NCBP3: variants seen among roughly 807,000 people sequenced by gnomAD.
The protein encoded by NCBP3 is nuclear cap binding subunit 3.
Under a neutral mutation model 75.7 loss-of-function variants are expected in NCBP3, and 20 were observed. The ratio of observed to expected loss-of-function variants is 0.26; its 90% CI spans 0.19 to 0.38. NCBP3 has a LOEUF of 0.38. Ranked by LOEUF, NCBP3 falls within the 10% of genes least tolerant of loss-of-function variation. NCBP3 has a pLI of 1.00. For synonymous variants in NCBP3, 293 were observed against 290.5 expected (o/e 1.01, Z -0.09); for missense variants, 678 against 796.9 (o/e 0.85, Z 1.80).
intron 7 of NCBP3, 51 bp downstream of exon 7, chr17:3,824,890 TA>T: frequency 9.6e-7 from 1 of 1,044,950 alleles, no homozygotes. Flanking sequence ...TGTCACTCCA[TA>T]ATAAATCATT....
chr17:3,817,966 TACACAC>T (rs61462832), intron 10 of NCBP3, among the ~76,000 whole-genome samples: 2 of 149,028 alleles, frequency 1.3e-5, no homozygotes, highest in East Asian at 2.0e-4. Flanking sequence ...CCCTGTGCCA[TACACAC>T]ACACACACAC....
Position 3,804,544 on chromosome 17 carries a change from C to G in NCBP3, c.*8500G>C, listed in dbSNP as rs1441497200. The stretch of plus-strand genomic sequence containing the variant: ...CTGGGCGACAAGAGCAAGACTTCAT[C>G]TCCAAAAAAAACAGAAAGGGCTGCC... On this transcript the variant is annotated 3_prime_UTR_variant, in exon 13 of 13. Coordinates refer to ENST00000389005, the MANE Select transcript of NCBP3 (RefSeq NM_001114118.3). 9 of 152,066 alleles carry G rather than the reference C, an allele frequency of 5.9e-5. No individual in the cohort carries two copies. Among genetic ancestry groups the G allele is most frequent in the African/African-American group, 2.2e-4 (9 of 41,352 alleles). 9.4% of individuals were successfully genotyped at this position (152,066 alleles called of 1,614,324 possible).
At chr17:3,822,158 TG>T in intron 7 of NCBP3, 106 bp from the exon 8 acceptor site, 1 of 768,928 alleles carries the variant, frequency 1.3e-6, no homozygotes, top group Non-Finnish European at 2.1e-6. Flanking sequence ...CAGCGCAATT[TG>T]CCAACAAAAA....
rs1329831589 is a variant in NCBP3 at position 3,840,172 on chromosome 17, G to A, written c.283C>T (p.Arg95Cys). 2 of 1,551,706 alleles carry A rather than the reference G, an allele frequency of 1.3e-6. No individual in the cohort carries two copies. ...TTTACTTCCGATCGAAAATGGAAGC[G>A]CTTGGCTCGCTGCTCTTTCTTTTCA... is the stretch of plus-strand genomic sequence containing the variant. ...AIEKKEQRAK[R>C]FHFRSEVNLA... The change falls in exon 3 of 13, where the codon CGC becomes TGC. Residue 95 changes from arginine (R) to cysteine (C), a missense_variant. Around this residue, in one of 7 missense-constraint regions of NCBP3, gnomAD observed 46 missense variants for 82.8 expected, o/e 0.56. Transcript: ENST00000389005.
At chr17:3,814,553 C>G in intron 11 of NCBP3, 70 bp from the exon 12 acceptor site, 1 of 1,531,684 alleles carries the variant, frequency 6.5e-7, no homozygotes, top group Non-Finnish European at 8.9e-7. Context: ...CGCCTGACAC[C>G]TCTAACGGAT....
intron 2 of NCBP3, among the ~76,000 whole-genome samples, chr17:3,842,094 G>C (rs1240953335): frequency 6.6e-6 from 1 of 152,034 alleles, no homozygotes; most frequent in Non-Finnish European, 1.5e-5. Context: ...TGGTAATCTG[G>C]TAATAGCAAT....
rs2053841697 is a variant in NCBP3 at position 3,829,482 on chromosome 17, G to A, written c.356-114C>T. 10 of 1,148,700 alleles carry A rather than the reference G, an allele frequency of 8.7e-6. No homozygotes were observed. In the East Asian group the frequency reaches 2.1e-4, roughly 24 times the overall value. The allele number at this position is 1,148,700 out of a possible 1,614,324, so 71.2% of individuals were successfully genotyped here. On this transcript the variant is annotated intron_variant, in intron 3 of 12. Coordinates refer to ENST00000389005, the MANE Select transcript of NCBP3 (RefSeq NM_001114118.3). ...ACACGAGTTTAGAAAGAAACATGCT[G>A]AGAGAAACTATAATTATTTCAAAAG... is the stretch of plus-strand genomic sequence containing the variant.
At chr17:3,843,562 T>C (rs2054105047) in intron 1 of NCBP3, among the ~76,000 whole-genome samples, 1 of 152,248 alleles carries the variant, frequency 6.6e-6, no homozygotes, top group Non-Finnish European at 1.5e-5. Flanking sequence ...TGTTTGTTTT[T>C]TGAGATGGAG....
At chr17:3,822,708 T>C (rs1318378808) in intron 7 of NCBP3, 1 of 152,250 alleles carries the variant, frequency 6.6e-6, no homozygotes, top group African/African-American at 2.4e-5. Context: ...TACAAAGACC[T>C]TCCACAGTTC....
chr17:3,846,185 C>G lies in NCBP3; in HGVS notation c.39G>C (p.Ala13=). 3 of 1,513,718 alleles carry G rather than the reference C, an allele frequency of 2.0e-6. No homozygotes were observed. The highest frequency in any genetic ancestry group is 2.7e-6 in the Non-Finnish European group (3 of 1,131,964). 93.8% of individuals were successfully genotyped at this position (1,513,718 alleles called of 1,614,324 possible). The change falls in exon 1 of 13, where the codon GCG becomes GCC. Residue 13 remains alanine, a synonymous_variant. Transcript: ENST00000389005. This position sits in a 1 kb window ranked among gnomAD's most constrained non-coding sequence, Gnocchi z 4.6. ...CCAGGGCCGGCCCCGCCGGGGCCTC[C>G]GCCTTCACCGACACCCGCAGGCCCC... ...AVRGLRVSVK[A]EAPAGPALGL... is the part of the protein sequence containing the mutation.
At chr17:3,841,040 G>A (rs2054054845) in intron 2 of NCBP3, among the ~76,000 whole-genome samples, 1 of 152,034 alleles carries the variant, frequency 6.6e-6, no homozygotes, top group African/African-American at 2.4e-5. Flanking sequence ...AGGCTGCCAC[G>A]ATCTCAGCTC....
intron 3 of NCBP3, among the ~76,000 whole-genome samples, chr17:3,836,030 C>T (rs2053966333): frequency 6.6e-6 from 1 of 152,222 alleles, no homozygotes; most frequent in East Asian, 1.9e-4. Context: ...TAATCAACAC[C>T]TTCTCCTCAC....
chr17:3,836,938 C>A (rs992678582), intron 3 of NCBP3, among the ~76,000 whole-genome samples: 1 of 151,796 alleles, frequency 6.6e-6, no homozygotes, highest in African/African-American at 2.4e-5. Flanking sequence ...ATCACAAGGT[C>A]AGGAGATCGA....
intron 4 of NCBP3, among the ~76,000 whole-genome samples, chr17:3,826,695 A>AGAAG (rs375511950): frequency 0.011 from 1,652 of 146,068 alleles, 35 homozygotes; most frequent in African/African-American, 0.035. Context: ...AGACAGAAAG[A>AGAAG]GAAGGAAGGA....
In NCBP3 at chr17:3,831,725, C is replaced by G. The variant is rs556499529; in HGVS notation, c.356-2357G>C. Reference sequence around the variant, plus strand: ...TCCACATCCCTTCTTTCCCTTCCTTCTCTGAAGCAATTCTGTCAAGGGGGT... The same window carrying G: ...TCCACATCCCTTCTTTCCCTTCCTTGTCTGAAGCAATTCTGTCAAGGGGGT... On this transcript the variant is annotated intron_variant, in intron 3 of 12. Coordinates refer to ENST00000389005, the MANE Select transcript of NCBP3 (RefSeq NM_001114118.3). 1.6e-5 allele frequency among the ~76,000 whole-genome samples: 2 copies of G among 121,984 alleles called. 1 individual carries two copies. Among genetic ancestry groups the G allele is most frequent in the South Asian group, 5.9e-4 (2 of 3,380 alleles). 80.0% of individuals were successfully genotyped at this position (121,984 alleles called of 152,430 possible).
At chr17:3,814,748 A>G (rs1462569157) in intron 11 of NCBP3, among the ~76,000 whole-genome samples, 1 of 151,824 alleles carries the variant, frequency 6.6e-6, no homozygotes, top group Non-Finnish European at 1.5e-5. Flanking sequence ...TTTTTCTTTA[A>G]GCAGAATCAA....
intron 9 of NCBP3, among the ~76,000 whole-genome samples, chr17:3,819,345 CA>C (rs1254973168): frequency 2.0e-5 from 3 of 152,082 alleles, no homozygotes; most frequent in Admixed American, 2.0e-4. Context: ...ATCACGAGGT[CA>C]GGAAATCGAG....
At chr17:3,839,178 G>T (rs2054024392) in intron 3 of NCBP3, among the ~76,000 whole-genome samples, 1 of 151,950 alleles carries the variant, frequency 6.6e-6, no homozygotes, top group Admixed American at 6.6e-5. Context: ...AATAATTCGG[G>T]GTGAGTTCTA....
chr17:3,823,827 C>T (rs1427839716), intron 7 of NCBP3: 1 of 152,298 alleles, frequency 6.6e-6, no homozygotes, highest in South Asian at 2.1e-4. Context: ...GTCCCTAGGA[C>T]TGGGACGAGT....
Sources: gnomAD v4.1 joint callset for allele counts (sites outside exome capture counted in the v4.1 genomes callset) on GRCh38, gnomAD v4.1.1 for gene constraint, gnomAD v4.1.1 regional missense constraint, Gnocchi (gnomAD v3.1) non-coding constraint, MANE v1.5 for transcripts, NCBI Gene and HGNC (gene_info 2026-07-23, HGNC 2026-07-21) for gene names.